Variants in RGS6 observed in about 807,000 individuals in gnomAD.
The protein encoded by RGS6 is regulator of G-protein signaling 6.
Under a neutral mutation model 78.5 loss-of-function variants are expected in RGS6, and 30 were observed. That is an observed-to-expected ratio of 0.38 (90% CI 0.29 to 0.52). The LOEUF is 0.52. RGS6 is among the 20% of genes least tolerant of loss of function. The pLI, the probability that RGS6 is intolerant of heterozygous loss-of-function variation, is 0.85. For synonymous variants in RGS6, 206 were observed against 206.0 expected (o/e 1.00, Z 0.00); for missense variants, 495 against 609.7 (o/e 0.81, Z 1.98).
At chr14:72,582,587 TACCTG>T in the RGS6 span, among the ~76,000 whole-genome samples, 1 of 152,048 alleles carries the variant, frequency 6.6e-6, no homozygotes, top group Admixed American at 6.5e-5. Flanking sequence ...TCAAATGGAG[TACCTG>T]TAGCTCAGGG....
intron 3 of RGS6, among the ~76,000 whole-genome samples, chr14:72,382,483 C>T (rs2086423927): frequency 6.6e-6 from 1 of 152,186 alleles, no homozygotes; most frequent in African/African-American, 2.4e-5. Flanking sequence ...GAATGCTAAT[C>T]GAATGCTGGT....
At chr14:72,356,048 A>T (rs995571573) in intron 3 of RGS6, among the ~76,000 whole-genome samples, 7 of 152,072 alleles carry the variant, frequency 4.6e-5, no homozygotes, top group African/African-American at 1.7e-4. Flanking sequence ...CAATGAGATC[A>T]CTCTATTATA....
intron 2 of RGS6, among the ~76,000 whole-genome samples, chr14:72,005,454 T>TA (rs930568862): frequency 1.3e-5 from 2 of 151,086 alleles, no homozygotes; most frequent in African/African-American, 2.4e-5. Context: ...TCTATCTATC[T>TA]ATCTATCTAT....
At chr14:72,279,866 G>A (rs1416477201) in intron 2 of RGS6, among the ~76,000 whole-genome samples, 1 of 152,162 alleles carries the variant, frequency 6.6e-6, no homozygotes, top group African/African-American at 2.4e-5. Context: ...GAACTGAATA[G>A]CTAGAATGTA....
At chr14:72,380,503 GGGC>G (rs1336486966) in intron 3 of RGS6, among the ~76,000 whole-genome samples, 3 of 149,410 alleles carry the variant, frequency 2.0e-5, no homozygotes, top group African/African-American at 7.3e-5. Flanking sequence ...ATTTTAAAAT[GGGC>G]AAATAATCTA....
At chr14:72,004,572 G>T (rs1390597861) in intron 2 of RGS6, among the ~76,000 whole-genome samples, 1 of 152,198 alleles carries the variant, frequency 6.6e-6, no homozygotes, top group Non-Finnish European at 1.5e-5. Context: ...AGTGGTTCAT[G>T]CCTGTAATCC....
chr14:72,288,729 A>T (rs923931405), intron 2 of RGS6, among the ~76,000 whole-genome samples: 3 of 152,188 alleles, frequency 2.0e-5, no homozygotes, highest in Admixed American at 6.5e-5. Flanking sequence ...GCACATTAGA[A>T]GGCTCAGAGG....
At chr14:72,601,816 ATC>A in the RGS6 span, among the ~76,000 whole-genome samples, 3 of 152,334 alleles carry the variant, frequency 2.0e-5, no homozygotes, top group Admixed American at 2.0e-4. Context: ...GCCTGACATA[ATC>A]TCTTTCTTCC....
At chr14:72,593,475 T>A in the RGS6 span, among the ~76,000 whole-genome samples, 1 of 152,136 alleles carries the variant, frequency 6.6e-6, no homozygotes, top group Non-Finnish European at 1.5e-5. Context: ...AACCTCTGCC[T>A]CCAGGTTCAA....
At chr14:71,938,912 A>G (rs1594918158) in intron 1 of RGS6, among the ~76,000 whole-genome samples, 1 of 152,100 alleles carries the variant, frequency 6.6e-6, no homozygotes, top group Non-Finnish European at 1.5e-5. Context: ...GTCCTAGAGT[A>G]CTCCACTGTG....
chr14:72,443,923 C>T (rs1021478387), intron 3 of RGS6, among the ~76,000 whole-genome samples: 3 of 152,202 alleles, frequency 2.0e-5, no homozygotes, highest in Non-Finnish European at 4.4e-5. Context: ...ACAGTGGCAA[C>T]GATCCTCCAT....
chr14:72,062,194 A>G (rs968725836), intron 2 of RGS6, among the ~76,000 whole-genome samples: 1 of 152,250 alleles, frequency 6.6e-6, no homozygotes, highest in African/African-American at 2.4e-5. Context: ...GACTGCCCTG[A>G]GGAAGAATCC....
chr14:71,953,079 A>G (rs750724110), intron 1 of RGS6, among the ~76,000 whole-genome samples: 10 of 152,212 alleles, frequency 6.6e-5, no homozygotes, highest in Non-Finnish European at 1.2e-4. Flanking sequence ...AGTCAGTAGT[A>G]TTAGAAACTA....
chr14:72,136,306 G>A (rs1299963795), intron 2 of RGS6, among the ~76,000 whole-genome samples: 2 of 152,156 alleles, frequency 1.3e-5, no homozygotes, highest in African/African-American at 4.8e-5. Flanking sequence ...CTTTAGCATA[G>A]AGCGAATATG....
chr14:72,579,510 G>T, the RGS6 span, among the ~76,000 whole-genome samples: 2 of 152,160 alleles, frequency 1.3e-5, no homozygotes, highest in African/African-American at 4.8e-5. Flanking sequence ...TCCTATTGTC[G>T]TGAGACACTA....
chr14:71,972,797 T>A (rs373292965), intron 2 of RGS6, among the ~76,000 whole-genome samples: 2 of 152,122 alleles, frequency 1.3e-5, no homozygotes, highest in African/African-American at 4.8e-5. Context: ...GAGAGATGTT[T>A]AGGAGGTTCA....
rs565621524 is a variant in RGS6, at chr14:72,530,027, C to G, written c.1279-6159C>G. 2.0e-5 allele frequency among the ~76,000 whole-genome samples: 3 copies of G among 152,326 alleles called. No homozygotes were observed. In the East Asian group the frequency reaches 5.8e-4, roughly 29 times the overall value. On this transcript the variant is annotated intron_variant, in intron 15 of 17. Coordinates refer to ENST00000553525, the MANE Select transcript of RGS6 (RefSeq NM_001204424.2). The stretch of plus-strand genomic sequence containing the variant: ...TCAGTGTTTAGACATCTGCTTTATC[C>G]TGCTCTATTTTGATTGACAAGTTCT...
At chr14:72,137,680 A>C (rs1029038423) in intron 2 of RGS6, among the ~76,000 whole-genome samples, 2 of 152,226 alleles carry the variant, frequency 1.3e-5, no homozygotes, top group Non-Finnish European at 2.9e-5. Flanking sequence ...GAAGAGATAG[A>C]TGCATAGAAC....
intron 2 of RGS6, among the ~76,000 whole-genome samples, chr14:71,996,505 C>T (rs995993599): frequency 6.6e-6 from 1 of 151,830 alleles, no homozygotes; most frequent in African/African-American, 2.4e-5. Flanking sequence ...TTATGGGATC[C>T]CAGAGAGGAA....
Sources: gnomAD v4.1 joint callset for allele counts (sites outside exome capture counted in the v4.1 genomes callset) on GRCh38, gnomAD v4.1.1 for gene constraint, MANE v1.5 for transcripts, NCBI Gene and HGNC (gene_info 2026-07-23, HGNC 2026-07-21) for gene names.